Variants in KMT2C observed in about 807,000 individuals in gnomAD.
KMT2C encodes histone-lysine N-methyltransferase 2C.
A neutral mutation model predicts 507.9 loss-of-function variants in KMT2C; 88 were observed. That is an observed-to-expected ratio of 0.17 (90% confidence interval 0.15 to 0.21). The LOEUF is 0.21. Among genes scored for constraint, KMT2C ranks in the 10% least tolerant of loss-of-function variants. The probability of loss-of-function intolerance (pLI) is 1.00; values close to 1 mark genes in which losing one functional copy is unlikely to be tolerated. For missense variants in KMT2C, 4,954 were observed against 5,957.8 expected, an observed-to-expected ratio of 0.83 and a Z score of 5.55; for synonymous variants, 2,049 against 2,080.8, an observed-to-expected ratio of 0.98 and a Z score of 0.42.
In KMT2C at chr7:152,251,989, A is replaced by C. The variant is rs143160447; in HGVS notation, c.1571T>G (p.Met524Arg). Residue 524 changes from methionine (M) to arginine (R), a missense_variant, in exon 11 of 59, where the codon ATG becomes AGG. Met to Arg is a moderately conservative substitution (Grantham distance 91, BLOSUM62 -1). Transcript: ENST00000262189. ...TTCCTCACCTGGCTGTAAACGATCC[A>C]TCTCAGCTCCCAGGTGTTTACAATA... The part of the protein sequence containing the change: ...CMYCKHLGAE[M>R]DRLQPGEEVE... 1.7e-5 allele frequency: 27 copies of C among 1,613,122 alleles called. 1 individual carries two copies. The highest frequency in any genetic ancestry group is 1.5e-4 in the South Asian group (14 of 90,804).
At chr7:152,259,464 A>C (rs979971375) in intron 9 of KMT2C, among the ~76,000 whole-genome samples, 1 of 147,356 alleles carries the variant, frequency 6.8e-6, no homozygotes. Context: ...ACACACACAC[A>C]CACACACACA....
At chr7:152,381,549 T>C (rs1286436554) in intron 1 of KMT2C, among the ~76,000 whole-genome samples, 6 of 152,250 alleles carry the variant, frequency 3.9e-5, no homozygotes, top group Non-Finnish European at 7.3e-5. Context: ...TAATTGTTAA[T>C]AAACATTAGT....
intron 6 of KMT2C, among the ~76,000 whole-genome samples, chr7:152,302,234 TA>T (rs1046050985): frequency 6.6e-6 from 1 of 152,000 alleles, no homozygotes; most frequent in African/African-American, 2.4e-5. Context: ...ATTTTAAGAG[TA>T]AAACACCTGG....
rs535370135 is a variant in KMT2C at position 152,358,761 on chromosome 7, T to C, written c.162-86A>G. On this transcript the variant is annotated intron_variant, in intron 1 of 58. Transcript: ENST00000262189. Reference sequence around the variant, plus strand: ...ACTTATATTCAACATAAGGCACAATTTGAAGGTATACAAAATAAGTAATTA... The same window carrying C: ...ACTTATATTCAACATAAGGCACAATCTGAAGGTATACAAAATAAGTAATTA... 16 of 823,844 alleles carry C rather than the reference T, an allele frequency of 1.9e-5. No homozygotes were observed. The South Asian group carries it at 2.7e-4, about 14-fold the overall frequency. The allele number at this position is 823,844 out of a possible 1,614,324, so 51.0% of individuals were successfully genotyped here.
intron 9 of KMT2C, among the ~76,000 whole-genome samples, chr7:152,257,955 G>T (rs1218743474): frequency 2.0e-5 from 3 of 152,080 alleles, no homozygotes; most frequent in Non-Finnish European, 4.4e-5. Flanking sequence ...AGCCATCCTG[G>T]ACCACATGTA....
chr7:152,197,604 TCA>T (rs1283300283), intron 27 of KMT2C, among the ~76,000 whole-genome samples: 2 of 152,076 alleles, frequency 1.3e-5, no homozygotes, highest in African/African-American at 4.8e-5. Flanking sequence ...TTTTTAGGAG[TCA>T]TATAGCAGTT....
At chr7:152,413,024 T>C (rs2097698641) in intron 1 of KMT2C, among the ~76,000 whole-genome samples, 1 of 152,204 alleles carries the variant, frequency 6.6e-6, no homozygotes. Flanking sequence ...GTACAGTTCA[T>C]GCTTGTATAC....
Position 152,310,029 on chromosome 7 carries a change from T to G in KMT2C, c.786A>C (p.Val262=), listed in dbSNP as rs2096656408. ...HHRCVEWSLG[V]CQMEEPLLVN... is the part of the protein sequence containing the mutation. ...CTAACAATGGTTCTTCCATCTGGCA[T>G]ACTCCTAGTGACCACTCCACACAAC... The change falls in exon 6 of 59, where the codon GTA becomes GTC. Residue 262 remains valine (V), a synonymous_variant. Transcript: ENST00000262189. The G allele has an allele frequency of 3.7e-6, 6 of 1,614,020 alleles. No homozygotes were observed. The highest frequency in any genetic ancestry group is 5.1e-6 in the Non-Finnish European group (6 of 1,179,928).
chr7:152,297,036 A>AGAAAGAAAGAAAGAAT (rs2096510963), intron 6 of KMT2C, among the ~76,000 whole-genome samples: 1 of 101,840 alleles, frequency 9.8e-6, no homozygotes, highest in African/African-American at 4.8e-5. Context: ...AAAGAAAGAA[A>AGAAAGAAAGAAAGAAT]GAAAGAAAGA....
chr7:152,382,480 T>G (rs2097383428), intron 1 of KMT2C, among the ~76,000 whole-genome samples: 1 of 152,292 alleles, frequency 6.6e-6, no homozygotes. Context: ...CCAATGCCTG[T>G]GGCTTTCAGG....
chr7:152,272,485 C>G (rs538160080), intron 7 of KMT2C, among the ~76,000 whole-genome samples: 19 of 152,196 alleles, frequency 1.2e-4, no homozygotes, highest in South Asian at 1.2e-3. Flanking sequence ...TTATGCCACC[C>G]AGAATATAAT....
At chr7:152,198,204 T>C (rs757393850) in intron 27 of KMT2C, among the ~76,000 whole-genome samples, 22 of 152,186 alleles carry the variant, frequency 1.4e-4, no homozygotes, top group African/African-American at 2.2e-4. Context: ...ATATGTAAGA[T>C]TGAACAAACA....
At chr7:152,293,185 A>AT (rs2096454097) in intron 6 of KMT2C, among the ~76,000 whole-genome samples, 1 of 152,240 alleles carries the variant, frequency 6.6e-6, no homozygotes, top group Non-Finnish European at 1.5e-5. Context: ...AACGTTTGCT[A>AT]TATAATAGGT....
chr7:152,174,913 G>A (rs796513047), intron 38 of KMT2C, among the ~76,000 whole-genome samples: 12 of 152,194 alleles, frequency 7.9e-5, no homozygotes, highest in African/African-American at 2.4e-4. Context: ...GCAAAAAATC[G>A]CCAAGCATTT....
intron 1 of KMT2C, among the ~76,000 whole-genome samples, chr7:152,384,866 C>T (rs1192025780): frequency 6.6e-6 from 1 of 152,304 alleles, no homozygotes; most frequent in African/African-American, 2.4e-5. Context: ...GTGATGGAAA[C>T]TTTTCTTTTT....
At chr7:152,338,140 G>A (rs1022708314) in intron 2 of KMT2C, among the ~76,000 whole-genome samples, 3 of 152,150 alleles carry the variant, frequency 2.0e-5, no homozygotes, top group Non-Finnish European at 2.9e-5. Flanking sequence ...TTACAGGCAT[G>A]AGCCACCGTG....
At chr7:152,233,135 G>A (rs2095173623) in intron 16 of KMT2C, among the ~76,000 whole-genome samples, 1 of 152,100 alleles carries the variant, frequency 6.6e-6, no homozygotes, top group Non-Finnish European at 1.5e-5. Flanking sequence ...AATAATAAGT[G>A]CAGAAAAACC....
intron 6 of KMT2C, among the ~76,000 whole-genome samples, chr7:152,279,555 C>CT (rs1467533885): frequency 3.9e-5 from 6 of 152,168 alleles, no homozygotes; most frequent in African/African-American, 1.4e-4. Flanking sequence ...AAAACCTAAT[C>CT]TATGAAATTA....
At chr7:152,341,110 C>G (rs2096987725) in intron 2 of KMT2C, among the ~76,000 whole-genome samples, 1 of 152,122 alleles carries the variant, frequency 6.6e-6, no homozygotes, top group Non-Finnish European at 1.5e-5. Context: ...TGAAATTTAA[C>G]TTTATTTAGG....
Sources: allele counts gnomAD v4.1 joint callset (sites outside exome capture counted in the v4.1 genomes callset), GRCh38; gene constraint gnomAD v4.1.1; transcripts MANE v1.5; gene names NCBI Gene and HGNC (gene_info 2026-07-23, HGNC 2026-07-21).